FAM193A: variants seen among roughly 807,000 people sequenced by gnomAD.
FAM193A encodes protein FAM193A.
In FAM193A, 22 loss-of-function variants were observed where a neutral mutation model predicts 126.5. That is an observed-to-expected ratio of 0.17 (90% CI 0.12 to 0.25). The LOEUF (loss-of-function observed/expected upper bound fraction) is 0.25. Among genes scored for constraint, FAM193A ranks in the 10% least tolerant of loss-of-function variants. The pLI, the probability that FAM193A is intolerant of heterozygous loss-of-function variation, is 1.00. For missense variants in FAM193A, 1,675 were observed against 1,672.8 expected, an observed-to-expected ratio of 1.00 and a Z score of -0.02; for synonymous variants, 761 against 646.8, an observed-to-expected ratio of 1.18 and a Z score of -2.68.
rs562529814 is a variant in FAM193A, at chr4:2,732,081, C to T, written c.*213C>T. 48 of 580,690 alleles carry T rather than the reference C, an allele frequency of 8.3e-5. No homozygotes were observed. The highest frequency in any genetic ancestry group is 6.5e-4 in the South Asian group (33 of 51,108). 36.0% of individuals were successfully genotyped at this position (580,690 alleles called of 1,614,324 possible). On this transcript the variant is annotated 3_prime_UTR_variant, in exon 21 of 21. Coordinates refer to ENST00000637812, the MANE Select transcript of FAM193A (RefSeq NM_001366318.2). ...GTGCGTGAGACTCCTTCGATTGTAG[C>T]TCTGTGCTGTCGGATTGGAACAGTA... is the stretch of plus-strand genomic sequence containing the variant.
intron 12 of FAM193A, among the ~76,000 whole-genome samples, chr4:2,666,464 T>TC (rs1457971027): frequency 6.6e-6 from 1 of 152,232 alleles, no homozygotes; most frequent in Non-Finnish European, 1.5e-5. Flanking sequence ...AATATATTGG[T>TC]CTGTAGTTTC....
rs1483212151 is a variant in FAM193A at position 2,579,731 on chromosome 4, T to A, written c.256-16353T>A. ...AAACAAAAAAAAACAGTGAAAACAT[T>A]GATTTTTCAGCAGTGAGAATGGCTG... On this transcript the variant is annotated intron_variant, in intron 1 of 20. Coordinates refer to ENST00000637812, the MANE Select transcript of FAM193A (RefSeq NM_001366318.2). Among the ~76,000 whole-genome samples, 3 of 151,944 alleles carry A rather than the reference T, an allele frequency of 2.0e-5. 1 individual carries two copies. Among genetic ancestry groups the A allele is most frequent in the African/African-American group, 7.3e-5 (3 of 41,352 alleles).
chr4:2,536,179 G>A (rs1560424523), upstream of FAM193A, among the ~76,000 whole-genome samples: 2 of 151,136 alleles, frequency 1.3e-5, no homozygotes, highest in Non-Finnish European at 3.0e-5. Flanking sequence ...GGCGGGGCGG[G>A]CGGGCAGCGG....
chr4:2,692,960 T>C (rs1483225585), intron 15 of FAM193A, among the ~76,000 whole-genome samples: 1 of 152,126 alleles, frequency 6.6e-6, no homozygotes, highest in African/African-American at 2.4e-5. Flanking sequence ...CCCAGCACTT[T>C]AGGTGGCCCT....
intron 12 of FAM193A, among the ~76,000 whole-genome samples, chr4:2,669,330 T>C (rs1015125713): frequency 5.3e-5 from 8 of 152,244 alleles, no homozygotes; most frequent in African/African-American, 1.9e-4. Context: ...TTTTAAAAAA[T>C]AGACCAGGCA....
intron 19 of FAM193A, among the ~76,000 whole-genome samples, chr4:2,707,087 G>A (rs1913448): frequency 0.49 from 73,798 of 151,592 alleles, 18,439 homozygotes; most frequent in Admixed American, 0.6. Context: ...GCTCCACTGC[G>A]CTCCAGCCGA....
chr4:2,542,360 G>A (rs1476889659), intron 1 of FAM193A, among the ~76,000 whole-genome samples: 2 of 152,002 alleles, frequency 1.3e-5, no homozygotes, highest in African/African-American at 2.4e-5. Flanking sequence ...AGCTGGTCTC[G>A]AACTCCTGAC....
chr4:2,563,486 C>T (rs1738750724), intron 1 of FAM193A, among the ~76,000 whole-genome samples: 1 of 149,534 alleles, frequency 6.7e-6, no homozygotes, highest in Non-Finnish European at 1.5e-5. Flanking sequence ...GGGAGGATTG[C>T]TTGAGGTCGG....
intron 5 of FAM193A, among the ~76,000 whole-genome samples, chr4:2,632,590 T>C (rs1287289450): frequency 2.6e-5 from 4 of 151,252 alleles, no homozygotes; most frequent in African/African-American, 9.7e-5. Context: ...GTAAGTCATT[T>C]CAGGGGGTTC....
chr4:2,570,469 T>C (rs547238280), intron 1 of FAM193A, among the ~76,000 whole-genome samples: 6 of 152,194 alleles, frequency 3.9e-5, no homozygotes, highest in East Asian at 1.9e-4. Context: ...AATCTCCTTA[T>C]GTTTTTTTCC....
At chr4:2,623,576 C>T (rs1742686202) in intron 2 of FAM193A, among the ~76,000 whole-genome samples, 1 of 152,384 alleles carries the variant, frequency 6.6e-6, no homozygotes, top group African/African-American at 2.4e-5. Context: ...CCCAACTCCA[C>T]AGCACCTGCC....
intron 12 of FAM193A, among the ~76,000 whole-genome samples, chr4:2,665,881 C>G (rs1057383825): frequency 1.3e-5 from 2 of 152,154 alleles, no homozygotes; most frequent in East Asian, 3.9e-4. Context: ...GAGTCTCGCT[C>G]TGTTGCCCAG....
chr4:2,617,240 T>TTTTATATATATATATATATATATATA lies in FAM193A; in HGVS notation c.502-8021_502-8020insTTATATATATATATATATATATATAT, dbSNP rs377206444. Reference sequence around the variant, plus strand: ...TGTATTGGTCAGAAGTATGTTTTTATTATATATATATATATATATATATTT... The same window carrying TTTTATATATATATATATATATATATA: ...TGTATTGGTCAGAAGTATGTTTTTATTTTATATATATATATATATATATATATATATATATATATATATATATATTT... On this transcript the variant is annotated intron_variant, in intron 2 of 20. Coordinates refer to ENST00000637812, the MANE Select transcript of FAM193A (RefSeq NM_001366318.2). Among the ~76,000 whole-genome samples, 6 of 35,232 alleles carry TTTTATATATATATATATATATATATA rather than the reference T, an allele frequency of 1.7e-4. 1 individual carries two copies. Among genetic ancestry groups the TTTTATATATATATATATATATATATA allele is most frequent in the African/African-American group, 5.4e-4 (2 of 3,698 alleles). The allele number at this position is 35,232 out of a possible 152,430, so 23.1% of individuals were successfully genotyped here.
chr4:2,717,728 C>A (rs190609682), intron 20 of FAM193A, among the ~76,000 whole-genome samples: 1 of 150,106 alleles, frequency 6.7e-6, no homozygotes, highest in East Asian at 2.0e-4. Context: ...GCACTCTAGC[C>A]TGGGCAACAG....
intron 19 of FAM193A, among the ~76,000 whole-genome samples, chr4:2,700,827 T>C (rs1717640574): frequency 6.6e-6 from 1 of 152,016 alleles, no homozygotes; most frequent in Non-Finnish European, 1.5e-5. Context: ...TTAGCTGGGC[T>C]TGGTGGTGCA....
intron 7 of FAM193A, chr4:2,655,207 TTATTTC>T: frequency 1.7e-6 from 1 of 573,050 alleles, no homozygotes; most frequent in East Asian, 2.8e-5. Context: ...AAGTTTACCT[TTATTTC>T]TAGTTGATTT....
At chr4:2,620,827 A>T (rs1489694564) in intron 2 of FAM193A, among the ~76,000 whole-genome samples, 3 of 132,760 alleles carry the variant, frequency 2.3e-5, no homozygotes, top group Non-Finnish European at 4.7e-5. Flanking sequence ...GAAGACTGCA[A>T]CTCCGTCTCA....
At chr4:2,685,917 A>C (rs1467215352) in intron 13 of FAM193A, among the ~76,000 whole-genome samples, 1 of 152,208 alleles carries the variant, frequency 6.6e-6, no homozygotes, top group Admixed American at 6.5e-5. Context: ...TTTTGTCTCA[A>C]AGTGGATAAA....
chr4:2,568,553 G>A (rs936453330), intron 1 of FAM193A, among the ~76,000 whole-genome samples: 4 of 152,118 alleles, frequency 2.6e-5, no homozygotes, highest in African/African-American at 7.2e-5. Context: ...TCATATTTGG[G>A]TCTGTAGAAG....
Sources: allele counts gnomAD v4.1 joint callset (sites outside exome capture counted in the v4.1 genomes callset), GRCh38; gene constraint gnomAD v4.1.1; transcripts MANE v1.5; gene names NCBI Gene and HGNC (gene_info 2026-07-23, HGNC 2026-07-21).